Variants in CDH13 observed in about 807,000 individuals in gnomAD.
The protein encoded by CDH13 is cadherin 13, also known as cadherin-13.
In CDH13, 24 loss-of-function variants were observed where a neutral mutation model predicts 63.8. The ratio of observed to expected loss-of-function variants is 0.38; its 90% CI spans 0.27 to 0.53. CDH13 has a LOEUF of 0.53. Among genes scored for constraint, CDH13 ranks in the 20% least tolerant of loss-of-function variants. The pLI is 0.85. For synonymous variants in CDH13, 503 were observed against 355.3 expected, an observed-to-expected ratio of 1.42 and a Z score of -4.67; for missense variants, 1,049 against 903.1, an observed-to-expected ratio of 1.16 and a Z score of -2.07.
At chr16:83,589,274 C>T (rs556560053) in intron 7 of CDH13, among the ~76,000 whole-genome samples, 6 of 51,520 alleles carry the variant, frequency 1.2e-4, no homozygotes, top group African/African-American at 4.1e-4. Flanking sequence ...ATTCTTTCTC[C>T]CTTTCCCCCC....
chr16:82,757,925 A>C lies in CDH13; in HGVS notation c.46-100437A>C, dbSNP rs546535289. Among the ~76,000 whole-genome samples the C allele has an allele frequency of 9.8e-5, 15 of 152,290 alleles. No homozygotes were observed. In the East Asian group the frequency reaches 2.1e-3, roughly 22 times the overall value. ...CGGCCTCCCAAAGTGCTGAGATTAC[A>C]GGCGTGAGTCACCGCACCTGGCCGC... On this transcript the variant is annotated intron_variant, in intron 1 of 13. Coordinates refer to ENST00000567109, the MANE Select transcript of CDH13 (RefSeq NM_001257.5).
intron 1 of CDH13, among the ~76,000 whole-genome samples, chr16:82,840,815 T>A (rs2038979663): frequency 6.6e-6 from 1 of 152,154 alleles, no homozygotes; most frequent in Non-Finnish European, 1.5e-5. Context: ...GTGTTGGCCG[T>A]TTCATTGTAA....
At chr16:83,494,653 T>C (rs747555678) in intron 7 of CDH13, among the ~76,000 whole-genome samples, 8 of 152,212 alleles carry the variant, frequency 5.3e-5, no homozygotes, top group Non-Finnish European at 7.4e-5. Context: ...TTAGAACAGC[T>C]GCAATATGAT....
chr16:82,727,490 C>G (rs192755556), intron 1 of CDH13: 1 of 152,142 alleles, frequency 6.6e-6, no homozygotes, highest in African/African-American at 2.4e-5. Context: ...ATATTCAGGT[C>G]TATTGTGATT....
At chr16:83,349,748 C>T (rs1056314953) in intron 6 of CDH13, among the ~76,000 whole-genome samples, 4 of 152,034 alleles carry the variant, frequency 2.6e-5, no homozygotes, top group Non-Finnish European at 4.4e-5. Context: ...TTACAGACAC[C>T]TGCCACCACG....
intron 11 of CDH13, among the ~76,000 whole-genome samples, chr16:83,749,257 C>G (rs1003555624): frequency 3.9e-5 from 6 of 152,156 alleles, no homozygotes; most frequent in African/African-American, 1.2e-4. Flanking sequence ...GTTCTCAGTC[C>G]TGGTCCTCGT....
chr16:82,740,354 A>T (rs1215736243), intron 1 of CDH13, among the ~76,000 whole-genome samples: 1 of 152,166 alleles, frequency 6.6e-6, no homozygotes, highest in Non-Finnish European at 1.5e-5. Context: ...TAATCATCAC[A>T]AACTTCAAAT....
intron 2 of CDH13, among the ~76,000 whole-genome samples, chr16:82,920,672 A>C (rs969839930): frequency 6.6e-6 from 1 of 152,142 alleles, no homozygotes; most frequent in African/African-American, 2.4e-5. Flanking sequence ...ATTAGGATCC[A>C]TTTTTTAATC....
intron 1 of CDH13, chr16:82,823,770 G>A (rs1194635990): frequency 6.6e-6 from 1 of 152,140 alleles, no homozygotes; most frequent in African/African-American, 2.4e-5. Context: ...GAATATTGAA[G>A]TATGGGAGGA....
At chr16:82,823,667 T>G (rs1382521625) in intron 1 of CDH13, 3 of 152,156 alleles carry the variant, frequency 2.0e-5, no homozygotes, top group African/African-American at 7.2e-5. Context: ...ATACTGCTTT[T>G]GGAGGTAGTG....
chr16:83,022,825 A>T (rs1470575149), intron 2 of CDH13, among the ~76,000 whole-genome samples: 1 of 152,218 alleles, frequency 6.6e-6, no homozygotes, highest in Non-Finnish European at 1.5e-5. Context: ...CCCATATAAG[A>T]TGTGAGTGTA....
At chr16:83,568,211 A>G (rs566655356) in intron 7 of CDH13, among the ~76,000 whole-genome samples, 15 of 152,288 alleles carry the variant, frequency 9.8e-5, no homozygotes, top group African/African-American at 3.6e-4. Flanking sequence ...AGCTGATCTG[A>G]TGTAAAATCT....
chr16:83,520,063 G>A (rs1387900477), intron 7 of CDH13, among the ~76,000 whole-genome samples: 3 of 152,104 alleles, frequency 2.0e-5, no homozygotes, highest in African/African-American at 7.2e-5. Flanking sequence ...AAACTTAAAG[G>A]ACTGACAATA....
intron 2 of CDH13, among the ~76,000 whole-genome samples, chr16:82,966,457 A>G (rs1484795130): frequency 6.6e-6 from 1 of 151,994 alleles, no homozygotes; most frequent in Non-Finnish European, 1.5e-5. Context: ...TATTTTTCCT[A>G]TTTTATTAAT....
chr16:83,255,297 G>T (rs1045393762), intron 5 of CDH13, among the ~76,000 whole-genome samples: 2 of 152,178 alleles, frequency 1.3e-5, no homozygotes, highest in Admixed American at 1.3e-4. Context: ...GCCCCAAACT[G>T]CCGGGCCTCC....
intron 7 of CDH13, among the ~76,000 whole-genome samples, chr16:83,506,837 A>G (rs967948652): frequency 3.9e-5 from 6 of 152,184 alleles, no homozygotes; most frequent in African/African-American, 1.4e-4. Flanking sequence ...GCCAGCATCA[A>G]TTCTTTAGCC....
At chr16:83,530,925 C>T (rs933852359) in intron 7 of CDH13, among the ~76,000 whole-genome samples, 3 of 152,080 alleles carry the variant, frequency 2.0e-5, no homozygotes, top group African/African-American at 4.8e-5. Flanking sequence ...ATTCAAATAT[C>T]GGTTCCTTCA....
intron 5 of CDH13, among the ~76,000 whole-genome samples, chr16:83,322,604 T>A (rs1433597965): frequency 6.6e-6 from 1 of 152,112 alleles, no homozygotes; most frequent in East Asian, 1.9e-4. Context: ...GCACACAGTG[T>A]CCCACGGGCC....
At chr16:83,102,676 A>C (rs1432498203) in intron 3 of CDH13, among the ~76,000 whole-genome samples, 1 of 152,166 alleles carries the variant, frequency 6.6e-6, no homozygotes, top group East Asian at 1.9e-4. Context: ...AAGAGGATGT[A>C]GAGGTATAGT....
Sources: gnomAD v4.1 joint callset for allele counts (sites outside exome capture counted in the v4.1 genomes callset) on GRCh38, gnomAD v4.1.1 for gene constraint, MANE v1.5 for transcripts, NCBI Gene and HGNC (gene_info 2026-07-23, HGNC 2026-07-21) for gene names.